Variants in BFSP1 observed in about 807,000 individuals in gnomAD.
The protein encoded by BFSP1 is beaded filament structural protein 1.
BFSP1 carries 38 observed loss-of-function variants against 43.9 expected under a neutral mutation model. The ratio of observed to expected loss-of-function variants is 0.87; its 90% CI spans 0.67 to 1.14. BFSP1 has a LOEUF of 1.14. Ranked by LOEUF, BFSP1 falls within the 50% of genes most tolerant of loss-of-function variation. BFSP1 has a pLI of 0.00. For synonymous variants in BFSP1, 352 were observed against 354.8 expected (o/e 0.99, Z 0.09); for missense variants, 850 against 875.1 (o/e 0.97, Z 0.36).
rs1241917608 is a variant in BFSP1, at chr20:17,531,110, C to T, written c.220G>A (p.Ala74Thr). The part of the protein sequence containing the change: ...RHAGLRRQLD[A>T]FQRLGELAGP... ...GCCAGCTCGCCCAGGCGCTGGAAGG[C>T]ATCCAGCTGCCTCCGGAGCCCGGCA... The change falls in exon 1 of 8, where the codon GCC (alanine) becomes ACC (threonine). Residue 74 changes from alanine to threonine, a missense_variant. Coordinates refer to ENST00000377873, the MANE Select transcript of BFSP1 (RefSeq NM_001195.5). The T allele has an allele frequency of 1.3e-5, 18 of 1,342,222 alleles. No homozygotes were observed. The highest frequency in any genetic ancestry group is 3.7e-5 in the Admixed American group (1 of 26,916). 83.1% of individuals were successfully genotyped at this position (1,342,222 alleles called of 1,614,324 possible). A position where few individuals can be genotyped will look rare whatever the true frequency, so the allele number is the denominator to read the frequency against.
Position 17,530,989 on chromosome 20 carries a change from G to T in BFSP1, c.341C>A (p.Thr114Asn), listed in dbSNP as rs1477914622. Reference protein sequence around the residue: ...AERARLERQGTEAQRALDEFR... With the variant: ...AERARLERQGNEAQRALDEFR... ...CTCGTCGAGCGCGCGCTGCGCCTCG[G>T]TGCCCTGGCGCTCCAGCCGGGCGCG... is the stretch of plus-strand genomic sequence containing the variant. The change falls in exon 1 of 8, where the codon ACC becomes AAC. Residue 114 changes from threonine to asparagine, a missense_variant. Transcript: ENST00000377873. 3.1e-5 allele frequency: 45 copies of T among 1,438,698 alleles called. No homozygotes were observed. The highest frequency in any genetic ancestry group is 4.0e-5 in the Non-Finnish European group (44 of 1,100,298). 89.1% of individuals were successfully genotyped at this position (1,438,698 alleles called of 1,614,324 possible). A position where few individuals can be genotyped will look rare whatever the true frequency, so the allele number is the denominator to read the frequency against.
At chr20:17,564,275 G>C (rs1181888059) in intron 1 of BFSP1, among the ~76,000 whole-genome samples, 1 of 151,848 alleles carries the variant, frequency 6.6e-6, no homozygotes, top group Non-Finnish European at 1.5e-5. Flanking sequence ...GCTGAGATTG[G>C]AGGATTGCTT....
intron 5 of BFSP1, among the ~76,000 whole-genome samples, chr20:17,502,968 T>C (rs1024587348): frequency 1.3e-5 from 2 of 152,034 alleles, no homozygotes; most frequent in African/African-American, 4.8e-5. Flanking sequence ...GTAGAGAACA[T>C]AGAGGGGCCA....
chr20:17,502,596 T>C (rs761884606), intron 5 of BFSP1, among the ~76,000 whole-genome samples: 3 of 152,216 alleles, frequency 2.0e-5, no homozygotes, highest in Non-Finnish European at 2.9e-5. Flanking sequence ...TCCAGGTTTT[T>C]ATCATCGGCC....
chr20:17,555,004 A>G (rs1189203709), intron 1 of BFSP1, among the ~76,000 whole-genome samples: 2 of 152,310 alleles, frequency 1.3e-5, no homozygotes, highest in Non-Finnish European at 2.9e-5. Flanking sequence ...TAGACTCTAC[A>G]TGAAGAAAAG....
upstream of BFSP1, among the ~76,000 whole-genome samples, chr20:17,559,779 G>A (rs1377218304): frequency 1.3e-5 from 2 of 152,122 alleles, no homozygotes; most frequent in African/African-American, 4.8e-5. Flanking sequence ...GATCTGAGAT[G>A]GAACAGTTTC....
chr20:17,548,846 C>T (rs1056698347), intron 1 of BFSP1, among the ~76,000 whole-genome samples: 2 of 152,110 alleles, frequency 1.3e-5, no homozygotes, highest in South Asian at 4.1e-4. Flanking sequence ...CTTGCTCTGT[C>T]ACCCAGGCTG....
chr20:17,520,854 A>G (rs1254794562), intron 2 of BFSP1, among the ~76,000 whole-genome samples: 1 of 152,198 alleles, frequency 6.6e-6, no homozygotes, highest in Non-Finnish European at 1.5e-5. Flanking sequence ...TTTATCCCCT[A>G]AACTCCCTGG....
intron 1 of BFSP1, among the ~76,000 whole-genome samples, chr20:17,539,591 A>T (rs2034683341): frequency 1.3e-5 from 2 of 151,750 alleles, no homozygotes; most frequent in Admixed American, 1.3e-4. Context: ...TATATATAAA[A>T]AATAATAATA....
intron 1 of BFSP1, among the ~76,000 whole-genome samples, chr20:17,554,161 CTT>C (rs2034953439): frequency 6.6e-6 from 1 of 151,974 alleles, no homozygotes; most frequent in Non-Finnish European, 1.5e-5. Flanking sequence ...TTAAGGCTGA[CTT>C]TGTTAGATTT....
chr20:17,513,892 T>A (rs1042434871), intron 3 of BFSP1, among the ~76,000 whole-genome samples: 4 of 152,178 alleles, frequency 2.6e-5, no homozygotes, highest in Non-Finnish European at 4.4e-5. Context: ...AACAAAAGCC[T>A]CAGAGTTGGT....
At chr20:17,553,808 C>CATATATATATAT (rs1332594718) in intron 1 of BFSP1, among the ~76,000 whole-genome samples, 27 of 97,052 alleles carry the variant, frequency 2.8e-4, no homozygotes, top group African/African-American at 1.2e-3. Flanking sequence ...CACACACACA[C>CATATATATATAT]ACACACACAC....
At chr20:17,496,734 G>T (rs2033640511) in intron 7 of BFSP1, among the ~76,000 whole-genome samples, 1 of 152,174 alleles carries the variant, frequency 6.6e-6, no homozygotes, top group Admixed American at 6.5e-5. Context: ...TAGCCCCCTA[G>T]TCGATTTTTC....
chr20:17,530,905 G>C, intron 1 of BFSP1, 48 bp downstream of exon 1: 1 of 1,329,016 alleles, frequency 7.5e-7, no homozygotes, highest in Non-Finnish European at 9.6e-7. Context: ...CCGCGCCGCC[G>C]GGACGGCCCA....
intron 1 of BFSP1, among the ~76,000 whole-genome samples, chr20:17,556,736 T>C (rs1349967922): frequency 1.3e-5 from 2 of 151,914 alleles, no homozygotes; most frequent in African/African-American, 4.8e-5. Flanking sequence ...TAAGAAGACA[T>C]TCCCAGATAA....
intron 1 of BFSP1, among the ~76,000 whole-genome samples, chr20:17,544,810 A>G (rs1372868238): frequency 6.6e-6 from 1 of 152,192 alleles, no homozygotes; most frequent in Non-Finnish European, 1.5e-5. Context: ...TCTTTTTCCA[A>G]AAATCATCAA....
At chr20:17,543,792 C>T (rs896299580) in intron 1 of BFSP1, among the ~76,000 whole-genome samples, 30 of 152,212 alleles carry the variant, frequency 2.0e-4, no homozygotes, top group Admixed American at 6.5e-4. Context: ...AAACTATGTC[C>T]GCTTAAGTTA....
At chr20:17,564,885 G>A (rs1054735528) in intron 1 of BFSP1, among the ~76,000 whole-genome samples, 4 of 151,732 alleles carry the variant, frequency 2.6e-5, no homozygotes, top group East Asian at 1.9e-4. Context: ...CACCATGTCC[G>A]GCAAAATGCA....
chr20:17,544,150 A>G (rs533388890), intron 1 of BFSP1, among the ~76,000 whole-genome samples: 5 of 152,338 alleles, frequency 3.3e-5, no homozygotes, highest in African/African-American at 1.2e-4. Context: ...AAAGTAGCCA[A>G]TGATGGCAGG....
Sources: gnomAD v4.1 joint callset for allele counts (sites outside exome capture counted in the v4.1 genomes callset) on GRCh38, gnomAD v4.1.1 for gene constraint, MANE v1.5 for transcripts, NCBI Gene and HGNC (gene_info 2026-07-23, HGNC 2026-07-21) for gene names.